Variants in LRPPRC observed in about 807,000 individuals in gnomAD.
The protein encoded by LRPPRC is leucine-rich PPR motif-containing protein, mitochondrial.
Under a neutral mutation model 180.3 loss-of-function variants are expected in LRPPRC, and 120 were observed. That is an observed-to-expected ratio of 0.67 (90% CI 0.57 to 0.77). The LOEUF (loss-of-function observed/expected upper bound fraction) is 0.77. Among genes scored for constraint, LRPPRC ranks in the 30% least tolerant of loss-of-function variants. The pLI is 0.00. For missense variants in LRPPRC, 2,012 were observed against 1,657.2 expected (o/e 1.21, Z -3.72); for synonymous variants, 723 against 600.0 (o/e 1.21, Z -3.00).
intron 14 of LRPPRC, among the ~76,000 whole-genome samples, chr2:43,956,477 A>AG (rs1559007564): frequency 8.3e-5 from 7 of 83,876 alleles, no homozygotes; most frequent in Non-Finnish European, 1.5e-4. Context: ...AAAGAAAAAA[A>AG]CGTGTGTGTG....
At chr2:43,935,575 G>A (rs531001306) in intron 23 of LRPPRC, among the ~76,000 whole-genome samples, 100 of 152,220 alleles carry the variant, frequency 6.6e-4, no homozygotes, top group African/African-American at 2.2e-3. Flanking sequence ...TCTTTTATGT[G>A]AGAAATTAAA....
chr2:43,891,195 A>C (rs371983871), intron 36 of LRPPRC, among the ~76,000 whole-genome samples: 63 of 152,298 alleles, frequency 4.1e-4, no homozygotes, highest in African/African-American at 1.3e-3. Flanking sequence ...ATCTTCTAGG[A>C]AGCTGCTCCG....
At chr2:43,971,485 TAAAAAA>T (rs528659622) in intron 11 of LRPPRC, among the ~76,000 whole-genome samples, 3 of 62,418 alleles carry the variant, frequency 4.8e-5, no homozygotes, top group Non-Finnish European at 5.7e-5. Context: ...TGTGTCACAG[TAAAAAA>T]AAAAAAAAAA....
rs886056049 is a variant in LRPPRC, at chr2:43,887,953, C to G, written c.*647G>C. 6.5e-6 allele frequency: 1 copy of G among 152,974 alleles called. No homozygotes were observed. Among genetic ancestry groups the G allele is most frequent in the Non-Finnish European group, 1.5e-5 (1 of 68,654 alleles). The allele number at this position is 152,974 out of a possible 1,614,324, so 9.5% of individuals were successfully genotyped here. On this transcript the variant is annotated 3_prime_UTR_variant, in exon 38 of 38. Coordinates refer to ENST00000260665, the MANE Select transcript of LRPPRC (RefSeq NM_133259.4). The stretch of plus-strand genomic sequence containing the variant: ...TGACCGAGACTCAATTTCAGAGACG[C>G]TCTATGAACAGAGGTGCTTGAAGCC...
intron 1 of LRPPRC, among the ~76,000 whole-genome samples, chr2:43,985,512 C>A (rs1470832102): frequency 6.6e-6 from 1 of 152,172 alleles, no homozygotes; most frequent in Non-Finnish European, 1.5e-5. Flanking sequence ...CTTCCGAACC[C>A]CTGGCAACCA....
chr2:43,948,188 A>C lies in LRPPRC; in HGVS notation c.1854T>G (p.Ile618Met), dbSNP rs768016490. The C allele has an allele frequency of 2.5e-6, 4 of 1,596,544 alleles. No homozygotes were observed. The highest frequency in any genetic ancestry group is 3.4e-6 in the Non-Finnish European group (4 of 1,164,302). Reference protein sequence around the residue: ...FHQLEKMNVKIPENIYRGIRN... With the variant: ...FHQLEKMNVKMPENIYRGIRN... The stretch of plus-strand genomic sequence containing the variant: ...GAATGCCTCTGTAGATATTTTCAGG[A>C]ATTTTTACATTCTGTGAGAAGGGAA... Residue 618 changes from isoleucine (I) to methionine (M), a missense_variant, in exon 18 of 38, where the codon ATT becomes ATG. By Grantham distance (10) the Ile-to-Met change is conservative. Transcript: ENST00000260665.
intron 13 of LRPPRC, chr2:43,959,294 C>A: frequency 1.4e-6 from 1 of 692,050 alleles, no homozygotes; most frequent in Non-Finnish European, 2.7e-6. Context: ...CAATATTTGA[C>A]TCAAATAACT....
chr2:43,959,336 T>A (rs1292984165), intron 13 of LRPPRC: 1 of 629,654 alleles, frequency 1.6e-6, no homozygotes, highest in Non-Finnish European at 2.9e-6. Context: ...ACTGGACACT[T>A]TGCCTTTCCC....
At position 43,987,903 on chromosome 2, in the gene LRPPRC, A is replaced by G. The variant is rs914202138; in HGVS notation, c.150-5469T>C. On this transcript the variant is annotated intron_variant, in intron 1 of 37. Transcript: ENST00000260665. ...ATATTCTTATCTAGTAATAAATCTA[A>G]TAAATTAGACCTTTAAAAATATTAA... 1.2e-4 allele frequency among the ~76,000 whole-genome samples: 19 copies of G among 152,318 alleles called. No homozygotes were observed. The East Asian group carries it at 3.5e-3, about 28-fold the overall frequency.
intron 14 of LRPPRC, among the ~76,000 whole-genome samples, chr2:43,954,601 GTC>G (rs1482917921): frequency 6.6e-6 from 1 of 152,120 alleles, no homozygotes; most frequent in African/African-American, 2.4e-5. Flanking sequence ...GAAAACAGAC[GTC>G]TCTTTTTTAC....
chr2:43,952,774 G>A (rs1387471715), intron 14 of LRPPRC, among the ~76,000 whole-genome samples: 2 of 152,092 alleles, frequency 1.3e-5, no homozygotes, highest in African/African-American at 2.4e-5. Flanking sequence ...ACCTTCAACT[G>A]GAAATTCCAC....
In LRPPRC at chr2:43,954,383, A is replaced by C. The variant is rs1193228760; in HGVS notation, c.1649+3002T>G. On this transcript the variant is annotated intron_variant, in intron 14 of 37. Transcript: ENST00000260665. ...TTAATAGTTAGGAAGATGCAAATTG[A>C]AAATTATACATTAAGATGTCATTTG... is the stretch of plus-strand genomic sequence containing the variant. Among the ~76,000 whole-genome samples the C allele has an allele frequency of 2.6e-5, 4 of 152,360 alleles. No homozygotes were observed. The East Asian group carries it at 7.7e-4, about 29-fold the overall frequency.
At chr2:43,952,757 G>C (rs2103632405) in intron 14 of LRPPRC, among the ~76,000 whole-genome samples, 2 of 152,278 alleles carry the variant, frequency 1.3e-5, no homozygotes, top group Middle Eastern at 6.8e-3. Context: ...GTAAGGCGAT[G>C]TAAAATACCT....
In LRPPRC at chr2:43,950,556, A is replaced by G. The variant is rs1242026748; in HGVS notation, c.1677+17T>C. On this transcript the variant is annotated intron_variant, in intron 15 of 37. Coordinates refer to ENST00000260665, the MANE Select transcript of LRPPRC (RefSeq NM_133259.4). Reference sequence around the variant, plus strand: ...CGTTAAAAGCACCTTATGATTTGCAATATTAGAGGGACTTACCTCGCTCCA... The same window carrying G: ...CGTTAAAAGCACCTTATGATTTGCAGTATTAGAGGGACTTACCTCGCTCCA... The G allele has an allele frequency of 1.9e-6, 3 of 1,608,182 alleles. No homozygotes were observed. Among genetic ancestry groups the G allele is most frequent in the Non-Finnish European group, 2.6e-6 (3 of 1,174,648 alleles).
chr2:43,947,182 A>C (rs1672715676), intron 20 of LRPPRC, 75 bp downstream of exon 20: 1 of 684,986 alleles, frequency 1.5e-6, no homozygotes, highest in African/African-American at 1.8e-5. Flanking sequence ...AATCATAAAT[A>C]TTATATTTGG....
chr2:43,935,392 C>A (rs900067133), intron 23 of LRPPRC, among the ~76,000 whole-genome samples: 2 of 152,156 alleles, frequency 1.3e-5, no homozygotes, highest in African/African-American at 2.4e-5. Flanking sequence ...ATTTTCTGTA[C>A]TGTCACCTTA....
chr2:43,985,658 T>G lies in LRPPRC; in HGVS notation c.150-3224A>C, dbSNP rs531157230. Among the ~76,000 whole-genome samples, 4 of 152,372 alleles carry G rather than the reference T, an allele frequency of 2.6e-5. No homozygotes were observed. In the South Asian group the frequency reaches 6.2e-4, roughly 24 times the overall value. ...GGTTCCTCCATGTCTTTTCACAGCATGACGGCGCACTTCTTTTCATTGTTG... is the reference window on the plus strand; with the variant it reads ...GGTTCCTCCATGTCTTTTCACAGCAGGACGGCGCACTTCTTTTCATTGTTG... On this transcript the variant is annotated intron_variant, in intron 1 of 37. Coordinates refer to ENST00000260665, the MANE Select transcript of LRPPRC (RefSeq NM_133259.4).
intron 27 of LRPPRC, among the ~76,000 whole-genome samples, chr2:43,921,357 T>C (rs1316640663): frequency 1.3e-5 from 2 of 152,156 alleles, no homozygotes; most frequent in Non-Finnish European, 2.9e-5. Context: ...AAAAAAGTCA[T>C]TCATCAACTT....
chr2:43,922,184 G>T (rs372870894), intron 27 of LRPPRC, among the ~76,000 whole-genome samples: 2 of 152,160 alleles, frequency 1.3e-5, no homozygotes, highest in African/African-American at 4.8e-5. Context: ...ACAAAATTTT[G>T]TAACAGATCA....
Sources: gnomAD v4.1 joint callset for allele counts (sites outside exome capture counted in the v4.1 genomes callset) on GRCh38, gnomAD v4.1.1 for gene constraint, MANE v1.5 for transcripts, NCBI Gene and HGNC (gene_info 2026-07-23, HGNC 2026-07-21) for gene names.